The following TDP1 variants were observed in gnomAD, a reference collection of about 807,000 sequenced individuals.
TDP1 encodes the protein tyr-DNA phosphodiesterase 1.
A neutral mutation model predicts 81.5 loss-of-function variants in TDP1; 64 were observed. The observed-to-expected ratio is 0.79, with a 90% confidence interval of 0.64 to 0.97. The LOEUF is 0.97. Among genes scored for constraint, TDP1 ranks in the 50% least tolerant of loss-of-function variants. TDP1 has a pLI of 0.00. For missense variants in TDP1, 723 were observed against 743.8 expected (o/e 0.97, Z 0.33); for synonymous variants, 256 against 264.3 (o/e 0.97, Z 0.30).
intron 16 of TDP1, among the ~76,000 whole-genome samples, chr14:90,040,895 T>C (rs1342039384): frequency 6.6e-6 from 1 of 152,218 alleles, no homozygotes; most frequent in Non-Finnish European, 1.5e-5. Flanking sequence ...GTTTAGTTTT[T>C]GTATTGGAAA....
chr14:89,966,202 T>TGCAG lies in TDP1; in HGVS notation c.603+12_603+13insGCAG. The TGCAG allele has an allele frequency of 6.3e-7, 1 of 1,575,172 alleles. No homozygotes were observed. The highest frequency in any genetic ancestry group is 2.2e-5 in the East Asian group (1 of 44,704). ...TTTCTTCAGCTCAGGTGAGTATACC[T>TGCAG]TTAAGCTGTTTTTTCTTTGGGTGAA... On this transcript the variant is annotated intron_variant, in intron 4 of 16. Coordinates refer to ENST00000335725, the MANE Select transcript of TDP1 (RefSeq NM_018319.4).
chr14:89,987,423 C>T (rs1895690274), intron 10 of TDP1, among the ~76,000 whole-genome samples: 1 of 152,180 alleles, frequency 6.6e-6, no homozygotes, highest in South Asian at 2.1e-4. Context: ...TATTCCAAAG[C>T]TGGCTTAGAG....
rs1893615984 is a variant in TDP1 at position 89,971,258 on chromosome 14, T to A, written c.743T>A (p.Ile248Asn). 1 of 1,613,442 alleles carries A rather than the reference T, an allele frequency of 6.2e-7. No individual in the cohort carries two copies. Among genetic ancestry groups the A allele is most frequent in the African/African-American group, 1.3e-5 (1 of 74,872 alleles). The change falls in exon 6 of 17, where the codon ATC becomes AAC. Residue 248 changes from isoleucine to asparagine, a missense_variant. Transcript: ENST00000335725. The stretch of plus-strand genomic sequence containing the variant: ...GCCCAGGCCAAGCCTTACGAGAACA[T>A]CTCTCTCTGCCAGGTAAGCCACTTA... ...LHAQAKPYEN[I>N]SLCQAKLDIA...
At chr14:89,986,951 A>G (rs1260171969) in intron 10 of TDP1, 1 of 152,254 alleles carries the variant, frequency 6.6e-6, no homozygotes, top group Non-Finnish European at 1.5e-5. Flanking sequence ...TTAAGTGGAT[A>G]CAGTTTCCAA....
chr14:89,961,861 A>G (rs531386689), intron 2 of TDP1, among the ~76,000 whole-genome samples: 12 of 152,312 alleles, frequency 7.9e-5, no homozygotes, highest in Non-Finnish European at 1.5e-4. Flanking sequence ...TTCCAGCCTC[A>G]TTAAAACAGC....
At chr14:90,028,319 A>C (rs1338037893) in intron 15 of TDP1, among the ~76,000 whole-genome samples, 1 of 152,190 alleles carries the variant, frequency 6.6e-6, no homozygotes, top group Non-Finnish European at 1.5e-5. Flanking sequence ...GGGTTTTACC[A>C]CTTGAGGTTG....
In TDP1 at chr14:89,963,528, C is replaced by T; in HGVS notation, c.414C>T (p.Leu138=). 6.2e-7 allele frequency: 1 copy of T among 1,606,256 alleles called. No individual in the cohort carries two copies. The highest frequency in any genetic ancestry group is 8.5e-7 in the Non-Finnish European group (1 of 1,175,838). Residue 138 remains leucine, a synonymous_variant, in exon 3 of 17, where the codon CTC becomes CTT. Transcript: ENST00000335725. ...ATGGCGCTCCCGCCTGCCACAGGCT[C>T]AAAGAGGAGGAAGACGAGTATGAGA... ...ENHGAPACHR[L]KEEEDEYETS... is the part of the protein sequence containing the mutation.
At chr14:90,014,770 T>C (rs1885121271) in intron 14 of TDP1, among the ~76,000 whole-genome samples, 1 of 152,146 alleles carries the variant, frequency 6.6e-6, no homozygotes, top group African/African-American at 2.4e-5. Context: ...AACTTAAAAG[T>C]GAATCTAATC....
intron 15 of TDP1, chr14:90,023,110 T>G: frequency 2.6e-6 from 2 of 756,240 alleles, no homozygotes; most frequent in Non-Finnish European, 2.4e-6. Flanking sequence ...AAACAGACAC[T>G]GGTGATTACA....
chr14:89,980,490 A>G (rs1157295935), intron 7 of TDP1, 50 bp from the exon 8 acceptor site: 4 of 1,550,204 alleles, frequency 2.6e-6, no homozygotes, highest in East Asian at 4.5e-5. Flanking sequence ...AAGGTATTAC[A>G]TATTTTGAAA....
intron 2 of TDP1, among the ~76,000 whole-genome samples, chr14:89,960,572 T>G (rs1250675208): frequency 2.0e-5 from 3 of 152,150 alleles, no homozygotes; most frequent in African/African-American, 7.2e-5. Flanking sequence ...ATATGAGGGC[T>G]CAAAAGAGCC....
At chr14:89,965,553 G>C (rs1892844256) in intron 3 of TDP1, among the ~76,000 whole-genome samples, 1 of 152,126 alleles carries the variant, frequency 6.6e-6, no homozygotes, top group Admixed American at 6.5e-5. Context: ...TTGCTCTCGT[G>C]GTATGGTTTG....
At chr14:89,988,803 G>T in intron 10 of TDP1, 102 bp from the exon 11 acceptor site, 1 of 1,560,296 alleles carries the variant, frequency 6.4e-7, no homozygotes, top group Non-Finnish European at 8.7e-7. Flanking sequence ...AGCTTTTCTT[G>T]TTAATTAGGC....
intron 2 of TDP1, among the ~76,000 whole-genome samples, chr14:89,960,224 AT>A (rs1301965050): frequency 2.0e-5 from 3 of 152,148 alleles, no homozygotes; most frequent in African/African-American, 7.2e-5. Flanking sequence ...AAATACCCCT[AT>A]CCAGCAACTT....
chr14:90,036,956 G>A (rs773187491), intron 16 of TDP1, among the ~76,000 whole-genome samples: 10 of 151,940 alleles, frequency 6.6e-5, no homozygotes, highest in South Asian at 6.2e-4. Context: ...ACTACAGTGC[G>A]TGCCATCATG....
At chr14:89,971,327 A>C (rs1261327856) in intron 6 of TDP1, 56 bp downstream of exon 6, 2 of 1,308,276 alleles carry the variant, frequency 1.5e-6, no homozygotes, top group East Asian at 2.3e-5. Flanking sequence ...AAGGAAACTT[A>C]GACATTTAGT....
chr14:90,043,436 C>G lies in TDP1; in HGVS notation c.*293C>G. On this transcript the variant is annotated 3_prime_UTR_variant, in exon 17 of 17. Transcript: ENST00000335725. ...ATCCCCTGTCTGAAATGCTTGGGACCAGAAGTGTTTCAGCTTTTGGATTTT... is the reference window on the plus strand; with the variant it reads ...ATCCCCTGTCTGAAATGCTTGGGACGAGAAGTGTTTCAGCTTTTGGATTTT... 2.0e-6 allele frequency: 1 copy of G among 501,974 alleles called. No homozygotes were observed. Among genetic ancestry groups the G allele is most frequent in the East Asian group, 3.6e-5 (1 of 27,864 alleles). 31.1% of individuals were successfully genotyped at this position (501,974 alleles called of 1,614,324 possible). A position where few individuals can be genotyped will look rare whatever the true frequency, so the allele number is the denominator to read the frequency against.
chr14:90,019,098 G>T, intron 14 of TDP1: 1 of 984,026 alleles, frequency 1.0e-6, no homozygotes, highest in African/African-American at 1.7e-5. Flanking sequence ...TGCAGATGAG[G>T]GTGAAACTAT....
At chr14:90,042,800 T>A (rs965186130) in intron 16 of TDP1, 1 of 846,384 alleles carries the variant, frequency 1.2e-6, no homozygotes, top group Admixed American at 6.2e-5. Flanking sequence ...TCCCACGATA[T>A]GTGGGAATTA....
Sources: allele counts gnomAD v4.1 joint callset (sites outside exome capture counted in the v4.1 genomes callset), GRCh38; gene constraint gnomAD v4.1.1; transcripts MANE v1.5; gene names NCBI Gene and HGNC (gene_info 2026-07-23, HGNC 2026-07-21).